The following RFX3 variants were observed in gnomAD, a reference collection of about 807,000 sequenced individuals.
RFX3 encodes the protein regulatory factor X3.
Under a neutral mutation model 98.6 loss-of-function variants are expected in RFX3, and 14 were observed. The observed-to-expected ratio is 0.14, with a 90% CI of 0.09 to 0.22. The LOEUF is 0.22. Ranked by LOEUF, RFX3 falls within the 10% of genes least tolerant of loss-of-function variation. RFX3 has a pLI of 1.00. For synonymous variants in RFX3, 383 were observed against 328.4 expected, an observed-to-expected ratio of 1.17 and a Z score of -1.80; for missense variants, 639 against 926.9, an observed-to-expected ratio of 0.69 and a Z score of 4.03.
chr9:3,494,278 G>C (rs1277454080), intron 1 of RFX3, among the ~76,000 whole-genome samples: 1 of 152,132 alleles, frequency 6.6e-6, no homozygotes, highest in African/African-American at 2.4e-5. Context: ...CAGTTCTTTT[G>C]TGATAAGCAG....
chr9:3,480,614 C>CTGAGCAA (rs1849665010), intron 1 of RFX3, among the ~76,000 whole-genome samples: 1 of 152,194 alleles, frequency 6.6e-6, no homozygotes, highest in South Asian at 2.1e-4. Context: ...AGCTTGAAGA[C>CTGAGCAA]TGAGCAATTA....
intron 4 of RFX3, among the ~76,000 whole-genome samples, chr9:3,316,791 C>T (rs769233166): frequency 1.2e-4 from 18 of 152,066 alleles, no homozygotes; most frequent in Non-Finnish European, 2.1e-4. Flanking sequence ...GAATAAAATA[C>T]CTAGGAATCC....
chr9:3,437,857 A>G (rs1230141388), intron 1 of RFX3, among the ~76,000 whole-genome samples: 1 of 152,076 alleles, frequency 6.6e-6, no homozygotes, highest in Non-Finnish European at 1.5e-5. Context: ...TTTCCTTAAA[A>G]TTGGATAGGG....
intron 1 of RFX3, among the ~76,000 whole-genome samples, chr9:3,509,613 C>T (rs900186211): frequency 2.0e-5 from 3 of 151,744 alleles, no homozygotes; most frequent in South Asian, 2.1e-4. Context: ...TTTATTTCTA[C>T]GTCATTCTAA....
intron 12 of RFX3, 95 bp downstream of exon 12, chr9:3,266,113 A>G: frequency 1.5e-6 from 1 of 653,972 alleles, no homozygotes; most frequent in Non-Finnish European, 2.5e-6. Flanking sequence ...TAACCTCAAC[A>G]TTTTACATAA....
chr9:3,423,257 G>C (rs769021535), intron 1 of RFX3, among the ~76,000 whole-genome samples: 1 of 152,130 alleles, frequency 6.6e-6, no homozygotes, highest in African/African-American at 2.4e-5. Context: ...CAAACATATA[G>C]TAACCATATG....
chr9:3,331,338 T>C (rs560791231), intron 3 of RFX3, among the ~76,000 whole-genome samples: 11 of 152,338 alleles, frequency 7.2e-5, no homozygotes, highest in South Asian at 2.1e-4. Flanking sequence ...ATTAAGCTTA[T>C]TTGATTCATC....
intron 1 of RFX3, among the ~76,000 whole-genome samples, chr9:3,464,894 A>T (rs1163300017): frequency 6.6e-6 from 1 of 152,146 alleles, no homozygotes; most frequent in East Asian, 1.9e-4. Flanking sequence ...ATTTGAACAC[A>T]TAAACATGTA....
At chr9:3,273,596 G>A (rs1015590219) in intron 9 of RFX3, among the ~76,000 whole-genome samples, 13 of 152,118 alleles carry the variant, frequency 8.5e-5, no homozygotes, top group Middle Eastern at 3.2e-3. Context: ...GGGCACAGTG[G>A]CTCATGCCTG....
chr9:3,513,475 G>C (rs1385064461), intron 1 of RFX3, among the ~76,000 whole-genome samples: 1 of 151,972 alleles, frequency 6.6e-6, no homozygotes, highest in Non-Finnish European at 1.5e-5. Context: ...GCCATCTATT[G>C]GCATTCTTTC....
intron 1 of RFX3, among the ~76,000 whole-genome samples, chr9:3,444,898 A>G (rs1225434980): frequency 6.6e-6 from 1 of 152,240 alleles, no homozygotes; most frequent in Non-Finnish European, 1.5e-5. Context: ...GTTGAAGCAG[A>G]AACTCAAATG....
At chr9:3,515,472 C>G (rs7038614) in intron 1 of RFX3, among the ~76,000 whole-genome samples, 3,163 of 152,172 alleles carry the variant, frequency 0.021, 115 homozygotes, top group African/African-American at 0.072. Flanking sequence ...CACCTCCCTA[C>G]GCCCCGTAAG....
intron 14 of RFX3, among the ~76,000 whole-genome samples, chr9:3,248,457 T>C (rs975064655): frequency 6.6e-6 from 1 of 152,188 alleles, no homozygotes; most frequent in Non-Finnish European, 1.5e-5. Context: ...GTCTGCTGCT[T>C]CTACCAAACT....
At chr9:3,505,880 T>C (rs1817039942) in intron 1 of RFX3, among the ~76,000 whole-genome samples, 1 of 151,684 alleles carries the variant, frequency 6.6e-6, no homozygotes, top group Non-Finnish European at 1.5e-5. Flanking sequence ...CCCCCAATTG[T>C]TTGAATGTGA....
At chr9:3,391,233 T>C (rs946936873) in intron 2 of RFX3, among the ~76,000 whole-genome samples, 5 of 152,112 alleles carry the variant, frequency 3.3e-5, no homozygotes, top group African/African-American at 1.2e-4. Context: ...ATAGGAATTA[T>C]AGCATGAATC....
At chr9:3,505,355 AT>A (rs1277861479) in intron 1 of RFX3, among the ~76,000 whole-genome samples, 3,864 of 12,450 alleles carry the variant, frequency 0.31, 322 homozygotes, top group Middle Eastern at 0.38. Context: ...AATATTTTAT[AT>A]TTATATAAAT....
intron 4 of RFX3, among the ~76,000 whole-genome samples, chr9:3,310,170 T>C (rs1323099046): frequency 1.3e-5 from 2 of 152,112 alleles, no homozygotes; most frequent in Non-Finnish European, 2.9e-5. Context: ...TAAACCTCAG[T>C]TTGAAATGCA....
At chr9:3,331,838 C>T (rs1401950216) in intron 3 of RFX3, among the ~76,000 whole-genome samples, 1 of 152,078 alleles carries the variant, frequency 6.6e-6, no homozygotes, top group Non-Finnish European at 1.5e-5. Flanking sequence ...TATCACTGCC[C>T]TCTTTACTTC....
At chr9:3,446,864 G>A (rs1163373335) in intron 1 of RFX3, among the ~76,000 whole-genome samples, 1 of 151,670 alleles carries the variant, frequency 6.6e-6, no homozygotes. Context: ...GTTAAAATCA[G>A]GCTAGAACTA....
Sources: gnomAD v4.1 joint callset for allele counts (sites outside exome capture counted in the v4.1 genomes callset) on GRCh38, gnomAD v4.1.1 for gene constraint, MANE v1.5 for transcripts, NCBI Gene and HGNC (gene_info 2026-07-23, HGNC 2026-07-21) for gene names.